CEACAM21: variants seen among roughly 807,000 people sequenced by gnomAD.
The protein encoded by CEACAM21 is cell adhesion molecule CEACAM21.
A neutral mutation model predicts 33.2 loss-of-function variants in CEACAM21; 38 were observed. The observed-to-expected ratio is 1.14, with a 90% CI of 0.88 to 1.50. CEACAM21 has a LOEUF of 1.50. CEACAM21 is among the 40% of genes most tolerant of loss of function. CEACAM21 has a pLI of 0.00. For synonymous variants in CEACAM21, 156 were observed against 143.0 expected, an observed-to-expected ratio of 1.09 and a Z score of -0.65; for missense variants, 385 against 364.6, an observed-to-expected ratio of 1.06 and a Z score of -0.46.
At chr19:41,560,898 G>A (rs1286573557) in intron 1 of CEACAM21, among the ~76,000 whole-genome samples, 3 of 152,142 alleles carry the variant, frequency 2.0e-5, no homozygotes, top group African/African-American at 7.2e-5. Context: ...AGCAAGACAA[G>A]GGTGTTCACC....
chr19:41,559,867 G>C (rs1261435173), intron 1 of CEACAM21, among the ~76,000 whole-genome samples: 1 of 152,224 alleles, frequency 6.6e-6, no homozygotes, highest in African/African-American at 2.4e-5. Flanking sequence ...CTAGCTACTG[G>C]GAAGGCTGAG....
chr19:41,568,761 G>C (rs1279301743), intron 2 of CEACAM21, among the ~76,000 whole-genome samples: 1 of 152,154 alleles, frequency 6.6e-6, no homozygotes, highest in Non-Finnish European at 1.5e-5. Context: ...GATTGCTTTG[G>C]CAACTCAGGG....
chr19:41,576,432 AGGG>A lies in CEACAM21; in HGVS notation c.64+95_64+97del, dbSNP rs2042952727. 3 of 1,352,808 alleles carry A rather than the reference AGGG, an allele frequency of 2.2e-6. No individual in the cohort carries two copies. In the East Asian group the frequency reaches 7.6e-5, roughly 34 times the overall value. 83.8% of individuals were successfully genotyped at this position (1,352,808 alleles called of 1,614,324 possible). On this transcript the variant is annotated intron_variant, in intron 1 of 6. Transcript: ENST00000401445. ...AGGATGGGGCTCTGAGAGGAGACAG[AGGG>A]CTTTTGTTAGAGACTCAGGGGAGAG...
In CEACAM21 at chr19:41,549,755, C is replaced by A. The variant is rs1405143663; in HGVS notation, c.-779+203C>A. Among the ~76,000 whole-genome samples, 3 of 152,080 alleles carry A rather than the reference C, an allele frequency of 2.0e-5. No individual in the cohort carries two copies. The East Asian group carries it at 5.8e-4, about 29-fold the overall frequency. Reference sequence around the variant, plus strand: ...CCTGGCTGGAGTACAGTGGTGGAATCACTGTTCACTACAGCCTCCAACTTA... The same window carrying A: ...CCTGGCTGGAGTACAGTGGTGGAATAACTGTTCACTACAGCCTCCAACTTA... On this transcript the variant is annotated intron_variant, in intron 1 of 7. Transcript: ENST00000407170.
chr19:41,554,276 T>C (rs781807585), intron 1 of CEACAM21, among the ~76,000 whole-genome samples: 9 of 152,020 alleles, frequency 5.9e-5, no homozygotes, highest in Non-Finnish European at 1.2e-4. Context: ...TGTTAGGGCT[T>C]TATAGCTGAT....
intron 2 of CEACAM21, among the ~76,000 whole-genome samples, chr19:41,565,961 G>C (rs1011966947): frequency 6.7e-6 from 1 of 150,306 alleles, no homozygotes; most frequent in Non-Finnish European, 1.5e-5. Flanking sequence ...ATTGCTTTTT[G>C]GGGGGGCGGG....
At chr19:41,556,514 A>C (rs1555785631) in intron 1 of CEACAM21, among the ~76,000 whole-genome samples, 1 of 152,260 alleles carries the variant, frequency 6.6e-6, no homozygotes, top group African/African-American at 2.4e-5. Context: ...TCTTTGAAAA[A>C]GAAAAATAAA....
At chr19:41,572,073 G>T (rs1386760920), upstream of CEACAM21, among the ~76,000 whole-genome samples, 1 of 151,972 alleles carries the variant, frequency 6.6e-6, no homozygotes, top group Non-Finnish European at 1.5e-5. Context: ...GAAAGAAGAT[G>T]ATCTCTATGT....
chr19:41,565,644 T>G (rs1358731490), intron 2 of CEACAM21: 24 of 149,634 alleles, frequency 1.6e-4, no homozygotes, highest in African/African-American at 5.8e-4. Flanking sequence ...CCCAACCATC[T>G]TTTGTCTTTT....
At chr19:41,579,992 GTAT>G in intron 3 of CEACAM21, among the ~76,000 whole-genome samples, 1 of 152,270 alleles carries the variant, frequency 6.6e-6, no homozygotes, top group South Asian at 2.1e-4. Flanking sequence ...ATATCGACTG[GTAT>G]TATTTTTATG....
upstream of CEACAM21, among the ~76,000 whole-genome samples, chr19:41,572,540 T>C (rs984502763): frequency 1.3e-5 from 2 of 152,102 alleles, no homozygotes; most frequent in South Asian, 4.1e-4. Context: ...CCCTGACACT[T>C]ACCTTCTGCT....
At chr19:41,562,689 A>G (rs1555787122) in intron 1 of CEACAM21, among the ~76,000 whole-genome samples, 2 of 152,026 alleles carry the variant, frequency 1.3e-5, no homozygotes, top group Non-Finnish European at 2.9e-5. Context: ...CATAATTTTG[A>G]CCGAAAAAAA....
At chr19:41,575,054 A>T (rs1252315009), upstream of CEACAM21, among the ~76,000 whole-genome samples, 1 of 152,352 alleles carries the variant, frequency 6.6e-6, no homozygotes, top group East Asian at 1.9e-4. Flanking sequence ...ATGAATCTTA[A>T]AAGTGTTACC....
intron 1 of CEACAM21, chr19:41,555,349 C>A (rs1479347157): frequency 1.3e-5 from 2 of 148,586 alleles, no homozygotes; most frequent in Non-Finnish European, 3.0e-5. Context: ...ATAGATGAGC[C>A]TCAAGAGATT....
Position 41,577,284 on chromosome 19 carries a change from A to T in CEACAM21, c.149A>T (p.Asn50Ile). 1 of 1,614,104 alleles carries T rather than the reference A, an allele frequency of 6.2e-7. No homozygotes were observed. Among genetic ancestry groups the T allele is most frequent in the Non-Finnish European group, 8.5e-7 (1 of 1,180,004 alleles). Residue 50 changes from asparagine to isoleucine, a missense_variant, in exon 2 of 7, where the codon AAT (asparagine) becomes ATT (isoleucine). Transcript: ENST00000401445. ...SAPFEVAEGE[N>I]VHLSVVYLPE... is the part of the protein sequence containing the mutation. ...CCCTTTGAAGTTGCTGAAGGGGAGAATGTTCATCTCTCTGTGGTTTATCTG... is the reference window on the plus strand; with the variant it reads ...CCCTTTGAAGTTGCTGAAGGGGAGATTGTTCATCTCTCTGTGGTTTATCTG...
At chr19:41,575,181 G>A (rs549237037), upstream of CEACAM21, among the ~76,000 whole-genome samples, 1 of 152,230 alleles carries the variant, frequency 6.6e-6, no homozygotes, top group Admixed American at 6.5e-5. Context: ...AGTGGGTGGG[G>A]CAGGGGGAAG....
intron 3 of CEACAM21, among the ~76,000 whole-genome samples, chr19:41,583,051 A>G (rs1009358454): frequency 1.3e-5 from 2 of 152,202 alleles, no homozygotes; most frequent in Non-Finnish European, 2.9e-5. Context: ...ACCTTTGTAA[A>G]TACATAAAAC....
In CEACAM21 at chr19:41,559,229, C is replaced by G. The variant is rs535788177; in HGVS notation, c.-778-5453C>G. 5.9e-5 allele frequency among the ~76,000 whole-genome samples: 9 copies of G among 152,320 alleles called. No homozygotes were observed. In the South Asian group the frequency reaches 1.7e-3, roughly 28 times the overall value. ...TTACTCATCGATTGTATGCACTGCA[C>G]AGACCATGTTTTGTGGCCACTGTGC... On this transcript the variant is annotated intron_variant, in intron 1 of 7. Transcript: ENST00000407170.
chr19:41,569,935 G>T (rs1294801864), intron 2 of CEACAM21, among the ~76,000 whole-genome samples: 4 of 152,158 alleles, frequency 2.6e-5, no homozygotes, highest in Non-Finnish European at 4.4e-5. Flanking sequence ...GACACACAGG[G>T]TGGCTGACAC....
Sources: gnomAD v4.1 joint callset for allele counts (sites outside exome capture counted in the v4.1 genomes callset) on GRCh38, gnomAD v4.1.1 for gene constraint, MANE v1.5 for transcripts, NCBI Gene and HGNC (gene_info 2026-07-23, HGNC 2026-07-21) for gene names.